Variants in ADGB observed in about 807,000 individuals in gnomAD.
ADGB encodes androglobin.
ADGB carries 172 observed loss-of-function variants against 210.5 expected under a neutral mutation model. That is an observed-to-expected ratio of 0.82 (90% CI 0.72 to 0.93). The LOEUF (loss-of-function observed/expected upper bound fraction) is 0.93, where lower values mean the gene tolerates loss of function less well. Ranked by LOEUF, ADGB falls within the 40% of genes least tolerant of loss-of-function variation. The pLI is 0.00. For synonymous variants in ADGB, 658 were observed against 662.7 expected, an observed-to-expected ratio of 0.99 and a Z score of 0.11; for missense variants, 2,025 against 1,964.8, an observed-to-expected ratio of 1.03 and a Z score of -0.58.
intron 17 of ADGB, among the ~76,000 whole-genome samples, chr6:146,722,107 A>T (rs73575910): frequency 0.058 from 8,774 of 152,112 alleles, 845 homozygotes; most frequent in African/African-American, 0.2. Context: ...TTATTTCAAA[A>T]TCTATTGAAA....
At chr6:146,809,359 C>G (rs1330015666) in intron 35 of ADGB, among the ~76,000 whole-genome samples, 2 of 152,172 alleles carry the variant, frequency 1.3e-5, no homozygotes, top group Admixed American at 6.5e-5. Context: ...GGTGCAGCCA[C>G]CACGCCCGGC....
intron 33 of ADGB, among the ~76,000 whole-genome samples, chr6:146,799,207 C>T (rs1264581082): frequency 1.3e-5 from 2 of 151,946 alleles, no homozygotes; most frequent in Non-Finnish European, 2.9e-5. Flanking sequence ...GCAGCTTTCC[C>T]ACTAAAATCA....
intron 35 of ADGB, among the ~76,000 whole-genome samples, chr6:146,813,631 CAA>C (rs35173557): frequency 0.34 from 51,330 of 151,782 alleles, 9,172 homozygotes; most frequent in East Asian, 0.67. Context: ...GTCTGTTTCG[CAA>C]AAGTTTGTTT....
chr6:146,685,038 A>T (rs985863155), intron 9 of ADGB, among the ~76,000 whole-genome samples: 1 of 152,056 alleles, frequency 6.6e-6, no homozygotes, highest in African/African-American at 2.4e-5. Context: ...GTTAAATGTC[A>T]GTATGTACGT....
intron 2 of ADGB, among the ~76,000 whole-genome samples, chr6:146,637,969 A>G (rs1775449298): frequency 6.6e-6 from 1 of 152,060 alleles, no homozygotes; most frequent in Non-Finnish European, 1.5e-5. Flanking sequence ...ATCGATGAAC[A>G]TCAATGCAAA....
In ADGB at chr6:146,752,830, T is replaced by C. The variant is rs79246550; in HGVS notation, c.3550+116T>C. 9.1e-5 allele frequency: 86 copies of C among 946,938 alleles called. No individual in the cohort carries two copies. In the African/African-American group the frequency reaches 1.3e-3, roughly 14 times the overall value. 58.7% of individuals were successfully genotyped at this position (946,938 alleles called of 1,614,324 possible). ...TAACCACTTAAATTATGAAACTTCATAGTACAGTAAAATATTACAAGTATA... is the reference window on the plus strand; with the variant it reads ...TAACCACTTAAATTATGAAACTTCACAGTACAGTAAAATATTACAAGTATA... On this transcript the variant is annotated intron_variant, in intron 27 of 35. Transcript: ENST00000397944.
intron 1 of ADGB, among the ~76,000 whole-genome samples, chr6:146,623,336 T>G (rs1780923675): frequency 6.6e-6 from 1 of 151,960 alleles, no homozygotes; most frequent in South Asian, 2.1e-4. Context: ...TATTCATTTA[T>G]TAAGTATTTA....
chr6:146,690,502 A>G (rs1474877194), intron 10 of ADGB, among the ~76,000 whole-genome samples: 1 of 152,188 alleles, frequency 6.6e-6, no homozygotes, highest in Non-Finnish European at 1.5e-5. Context: ...TCAGTAACGT[A>G]AGTTCTACTT....
chr6:146,802,691 T>C, intron 35 of ADGB: 1 of 1,069,844 alleles, frequency 9.3e-7, no homozygotes, highest in Non-Finnish European at 1.3e-6. Flanking sequence ...AAAATAGTTT[T>C]GATTTCTTCC....
At chr6:146,737,084 C>T (rs1777089526) in intron 23 of ADGB, among the ~76,000 whole-genome samples, 1 of 151,690 alleles carries the variant, frequency 6.6e-6, no homozygotes, top group Non-Finnish European at 1.5e-5. Flanking sequence ...TATATACACA[C>T]CATACATTAT....
intron 1 of ADGB, among the ~76,000 whole-genome samples, chr6:146,621,307 C>T (rs1780890313): frequency 1.3e-5 from 2 of 152,120 alleles, no homozygotes; most frequent in Admixed American, 1.3e-4. Flanking sequence ...GGCACCCCCA[C>T]TGACTGGAGC....
intron 9 of ADGB, among the ~76,000 whole-genome samples, chr6:146,684,179 C>G (rs1004914042): frequency 2.0e-5 from 3 of 152,050 alleles, no homozygotes; most frequent in African/African-American, 7.2e-5. Context: ...TTCATACTTT[C>G]CTAAGGTGTA....
intron 20 of ADGB, among the ~76,000 whole-genome samples, chr6:146,729,915 C>T (rs1220213260): frequency 6.6e-6 from 1 of 152,136 alleles, no homozygotes; most frequent in Non-Finnish European, 1.5e-5. Context: ...TTAATAGCAT[C>T]TCTGGTCTCC....
intron 29 of ADGB, among the ~76,000 whole-genome samples, chr6:146,776,666 A>G (rs1039194126): frequency 1.5e-4 from 23 of 152,174 alleles, no homozygotes; most frequent in African/African-American, 5.3e-4. Context: ...TCAAACACTA[A>G]AAACTATGTG....
chr6:146,650,290 G>A (rs181677546), intron 3 of ADGB, among the ~76,000 whole-genome samples: 65 of 152,050 alleles, frequency 4.3e-4, no homozygotes, highest in African/African-American at 1.5e-3. Flanking sequence ...TAAAATGTCC[G>A]AATAACCTTG....
At chr6:146,784,548 C>A in intron 30 of ADGB, 70 bp from the exon 31 acceptor site, 1 of 1,189,948 alleles carries the variant, frequency 8.4e-7, no homozygotes. Flanking sequence ...AATTATGTAT[C>A]ATATGGTAAA....
rs78851618 is a variant in ADGB at position 146,726,160 on chromosome 6, T to C, written c.2315T>C (p.Ile772Thr). 0.046 allele frequency: 71,535 copies of C among 1,549,548 alleles called. 1,859 individuals carry two copies. The highest frequency in any genetic ancestry group is 0.051 in the Non-Finnish European group (58,494 of 1,144,950). ...ATCTGCAGCATGGTGTCATTTGTCATTGGGGATGAACACGTTGTACTGCCC... is the reference window on the plus strand; with the variant it reads ...ATCTGCAGCATGGTGTCATTTGTCACTGGGGATGAACACGTTGTACTGCCC... ...IHICSMVSFV[I>T]GDEHVVLPNF... The change falls in exon 19 of 36, where the codon ATT becomes ACT. Residue 772 changes from isoleucine to threonine, a missense_variant. Coordinates refer to ENST00000397944, the MANE Select transcript of ADGB (RefSeq NM_024694.4).
intron 5 of ADGB, among the ~76,000 whole-genome samples, chr6:146,662,962 AAT>A (rs747289032): frequency 7.1e-5 from 10 of 141,038 alleles, no homozygotes; most frequent in Middle Eastern, 3.6e-3. Context: ...TACACATATA[AAT>A]ATATATGTTA....
chr6:146,771,851 T>C (rs1165262968), intron 29 of ADGB, among the ~76,000 whole-genome samples: 1 of 152,234 alleles, frequency 6.6e-6, no homozygotes, highest in Admixed American at 6.5e-5. Context: ...CTTCAAGTTA[T>C]AGGACTGGTA....
Sources: allele counts gnomAD v4.1 joint callset (sites outside exome capture counted in the v4.1 genomes callset), GRCh38; gene constraint gnomAD v4.1.1; transcripts MANE v1.5; gene names NCBI Gene and HGNC (gene_info 2026-07-23, HGNC 2026-07-21).